The following PTER variants were observed in gnomAD, a reference collection of about 807,000 sequenced individuals.
The protein encoded by PTER is phosphotriesterase related.
In PTER, 38 loss-of-function variants were observed where a neutral mutation model predicts 29.6. The observed-to-expected ratio is 1.28, with a 90% CI of 0.99 to 1.68. The LOEUF (loss-of-function observed/expected upper bound fraction) is 1.68. PTER is among the 40% of genes most tolerant of loss of function. The pLI, the probability that PTER is intolerant of heterozygous loss-of-function variation, is 0.00. For missense variants in PTER, 482 were observed against 427.8 expected, an observed-to-expected ratio of 1.13 and a Z score of -1.12; for synonymous variants, 172 against 154.5, an observed-to-expected ratio of 1.11 and a Z score of -0.84.
intron 1 of PTER, among the ~76,000 whole-genome samples, chr10:16,440,067 A>ATTTT (rs71374689): frequency 0.069 from 9,300 of 135,162 alleles, 659 homozygotes; most frequent in East Asian, 0.23. Context: ...TCCTAACAAG[A>ATTTT]TTTTTTTTTT....
At chr10:16,470,462 C>T (rs375379226) in intron 1 of PTER, among the ~76,000 whole-genome samples, 9 of 152,192 alleles carry the variant, frequency 5.9e-5, no homozygotes, top group Admixed American at 4.6e-4. Flanking sequence ...TGAGGCTTTT[C>T]GCCCTCCATT....
At chr10:16,474,491 C>T (rs17138664) in intron 1 of PTER, among the ~76,000 whole-genome samples, 6,740 of 151,988 alleles carry the variant, frequency 0.044, 229 homozygotes, top group East Asian at 0.12. Flanking sequence ...ACATATTATT[C>T]GGCGTTAGTC....
chr10:16,443,015 G>A (rs970734587), intron 1 of PTER, among the ~76,000 whole-genome samples: 5 of 152,006 alleles, frequency 3.3e-5, no homozygotes, highest in African/African-American at 9.7e-5. Context: ...GAGCCCCCAG[G>A]TGTAATTAAG....
chr10:16,453,153 T>A (rs1834274709), intron 1 of PTER, among the ~76,000 whole-genome samples: 1 of 152,122 alleles, frequency 6.6e-6, no homozygotes, highest in African/African-American at 2.4e-5. Flanking sequence ...TGGGCTCAAG[T>A]GATTCTTCGG....
chr10:16,446,676 T>C (rs1446800140), intron 1 of PTER, among the ~76,000 whole-genome samples: 1 of 152,238 alleles, frequency 6.6e-6, no homozygotes, highest in African/African-American at 2.4e-5. Context: ...CTGTTGCTAC[T>C]CGTTATTGTT....
At chr10:16,462,546 G>C (rs973454112) in intron 1 of PTER, among the ~76,000 whole-genome samples, 2 of 149,140 alleles carry the variant, frequency 1.3e-5, no homozygotes, top group African/African-American at 4.9e-5. Flanking sequence ...CCTGCGATTT[G>C]TGCTGTGTCT....
intron 1 of PTER, among the ~76,000 whole-genome samples, chr10:16,450,675 C>T (rs1393149067): frequency 2.6e-5 from 4 of 152,162 alleles, no homozygotes; most frequent in African/African-American, 7.2e-5. Flanking sequence ...GACTCTCCTT[C>T]AGGGCAATCT....
rs867560540 is a variant in PTER at position 16,497,069 on chromosome 10, G to A, written c.699-7951G>A. 5.9e-5 allele frequency among the ~76,000 whole-genome samples: 9 copies of A among 151,936 alleles called. No individual in the cohort carries two copies. In the South Asian group the frequency reaches 6.2e-4, roughly 11 times the overall value. ...CCTACCTCAGCCTCCCAAGTAGCTA[G>A]GATTACAGGTGCCTGCCACCATGCC... On this transcript the variant is annotated intron_variant, in intron 3 of 4. Transcript: ENST00000535784.
intron 3 of PTER, among the ~76,000 whole-genome samples, chr10:16,504,080 G>A (rs1836467831): frequency 6.6e-6 from 1 of 151,788 alleles, no homozygotes; most frequent in East Asian, 1.9e-4. Flanking sequence ...TGTCTAATGG[G>A]GTATATTTTT....
chr10:16,464,698 T>G (rs1834745017), intron 1 of PTER, among the ~76,000 whole-genome samples: 1 of 152,196 alleles, frequency 6.6e-6, no homozygotes, highest in South Asian at 2.1e-4. Context: ...AATGTCTCTG[T>G]GACAAGCCAC....
intron 1 of PTER, among the ~76,000 whole-genome samples, chr10:16,439,472 A>G (rs1833772571): frequency 6.6e-6 from 1 of 152,218 alleles, no homozygotes; most frequent in South Asian, 2.1e-4. Context: ...CCGTGTACTC[A>G]GTGCCAGGAC....
intron 1 of PTER, among the ~76,000 whole-genome samples, chr10:16,483,075 A>G (rs772884723): frequency 3.2e-4 from 49 of 152,080 alleles, no homozygotes; most frequent in Non-Finnish European, 6.8e-4. Context: ...GAGCCACTGC[A>G]CCTGGCCATT....
intron 1 of PTER, among the ~76,000 whole-genome samples, chr10:16,457,869 A>G (rs982941718): frequency 1.8e-4 from 28 of 152,280 alleles, no homozygotes; most frequent in African/African-American, 6.3e-4. Flanking sequence ...TTGGCCTCCC[A>G]AAGTGCTGAG....
chr10:16,443,228 C>T (rs1168378509), intron 1 of PTER, among the ~76,000 whole-genome samples: 1 of 152,150 alleles, frequency 6.6e-6, no homozygotes, highest in East Asian at 1.9e-4. Flanking sequence ...TTGTGGATGG[C>T]CGTCTTCCCT....
At chr10:16,503,803 C>G (rs555096991) in intron 3 of PTER, among the ~76,000 whole-genome samples, 2 of 152,282 alleles carry the variant, frequency 1.3e-5, no homozygotes, top group East Asian at 1.9e-4. Flanking sequence ...GCCTCACAAA[C>G]TGCTGGGATT....
chr10:16,460,325 A>G (rs1329064653), intron 1 of PTER, among the ~76,000 whole-genome samples: 1 of 152,234 alleles, frequency 6.6e-6, no homozygotes, highest in Non-Finnish European at 1.5e-5. Flanking sequence ...AAATACCTAC[A>G]TAGTTAGTAA....
downstream of PTER, among the ~76,000 whole-genome samples, chr10:16,518,060 T>C (rs1393410386): frequency 6.6e-6 from 1 of 152,220 alleles, no homozygotes; most frequent in Non-Finnish European, 1.5e-5. Flanking sequence ...TACACTGACA[T>C]GGATCTCTGA....
In PTER at chr10:16,488,528, T is replaced by A. The variant is rs138956466; in HGVS notation, c.698+1911T>A. ...TATTATACAGTGTAATTGTTCTATATGTCTATTAGAACATAATCATTTATC... is the reference window on the plus strand; with the variant it reads ...TATTATACAGTGTAATTGTTCTATAAGTCTATTAGAACATAATCATTTATC... On this transcript the variant is annotated intron_variant, in intron 3 of 4. Transcript: ENST00000535784. 5.0e-3 allele frequency among the ~76,000 whole-genome samples: 758 copies of A among 152,194 alleles called. 7 individuals are homozygous for A. The highest frequency in any genetic ancestry group is 0.018 in the African/African-American group (732 of 41,532).
At chr10:16,503,551 C>T (rs1033616931) in intron 3 of PTER, among the ~76,000 whole-genome samples, 27 of 152,072 alleles carry the variant, frequency 1.8e-4, no homozygotes, top group African/African-American at 6.3e-4. Context: ...ATTACAGGCA[C>T]CCACCACTAT....
Sources: gnomAD v4.1 joint callset for allele counts (sites outside exome capture counted in the v4.1 genomes callset) on GRCh38, gnomAD v4.1.1 for gene constraint, MANE v1.5 for transcripts, NCBI Gene and HGNC (gene_info 2026-07-23, HGNC 2026-07-21) for gene names.